CACNA1A: variants seen among roughly 807,000 people sequenced by gnomAD.
CACNA1A encodes calcium voltage-gated channel subunit alpha1 A, also known as voltage-dependent P/Q-type calcium channel subunit alpha-1A.
A neutral mutation model predicts 262.4 loss-of-function variants in CACNA1A; 57 were observed. The observed-to-expected ratio is 0.22, with a 90% CI of 0.18 to 0.27. CACNA1A has a LOEUF of 0.27. Ranked by LOEUF, CACNA1A falls within the 10% of genes least tolerant of loss-of-function variation. The pLI is 1.00. For missense variants in CACNA1A, 2,526 were observed against 3,562.8 expected (o/e 0.71, Z 7.41); for synonymous variants, 1,431 against 1,419.3 (o/e 1.01, Z -0.18).
chr19:13,477,822 G>A (rs1398342238), intron 1 of CACNA1A, among the ~76,000 whole-genome samples: 3 of 152,154 alleles, frequency 2.0e-5, no homozygotes, highest in Non-Finnish European at 2.9e-5. Flanking sequence ...TATAGAAGCC[G>A]CCTTTCCATT....
intron 24 of CACNA1A, chr19:13,274,899 A>G (rs1404879945): frequency 6.6e-6 from 1 of 151,940 alleles, no homozygotes; most frequent in Non-Finnish European, 1.5e-5. Flanking sequence ...GGGACCATGT[A>G]AGAATGGCCA....
rs536513719 is a variant in CACNA1A, at chr19:13,499,945, T to C, written c.293+5987A>G. Among the ~76,000 whole-genome samples, 6 of 151,946 alleles carry C rather than the reference T, an allele frequency of 3.9e-5. No homozygotes were observed. In the East Asian group the frequency reaches 5.8e-4, roughly 15 times the overall value. The stretch of plus-strand genomic sequence containing the variant: ...TGCTGAGAAAGTGTATATGTGTGCT[T>C]GCTACTGGGGGGGAAACAGGGAGGG... On this transcript the variant is annotated intron_variant, in intron 1 of 46. Coordinates refer to ENST00000360228, the MANE Select transcript of CACNA1A (RefSeq NM_001127222.2).
intron 6 of CACNA1A, among the ~76,000 whole-genome samples, chr19:13,355,017 G>C (rs560826715): frequency 2.2e-4 from 33 of 152,132 alleles, no homozygotes; most frequent in African/African-American, 7.5e-4. Flanking sequence ...TGGGATTACA[G>C]GCACCCGCCC....
rs971032446 is a variant in CACNA1A, at chr19:13,371,545, C to T, written c.631+143G>A. The T allele has an allele frequency of 7.9e-6, 5 of 632,764 alleles. No individual in the cohort carries two copies. In the South Asian group the frequency reaches 1.0e-4, roughly 13 times the overall value. 39.2% of individuals were successfully genotyped at this position (632,764 alleles called of 1,614,324 possible). On this transcript the variant is annotated intron_variant, in intron 4 of 46. Coordinates refer to ENST00000360228, the MANE Select transcript of CACNA1A (RefSeq NM_001127222.2). ...GCTACAGTCATATTCCTAGGGGGTT[C>T]CCTATAGGGAGTCCCAAAGAAGAGA...
chr19:13,307,992 TGCCCATTTGG>T, intron 14 of CACNA1A, 118 bp downstream of exon 14: 2 of 1,398,064 alleles, frequency 1.4e-6, no homozygotes, highest in Non-Finnish European at 2.0e-6. Flanking sequence ...CCCAGGGCCC[TGCCCATTTGG>T]GTGACCGCAA....
chr19:13,371,891 C>A, intron 3 of CACNA1A, 112 bp from the exon 4 acceptor site: 2 of 766,534 alleles, frequency 2.6e-6, no homozygotes, highest in Non-Finnish European at 2.3e-6. Flanking sequence ...TGACCACAGG[C>A]AGGTGACTCG....
At chr19:13,296,762 T>C (rs1600266720) in intron 19 of CACNA1A, among the ~76,000 whole-genome samples, 1 of 152,004 alleles carries the variant, frequency 6.6e-6, no homozygotes, top group South Asian at 2.1e-4. Flanking sequence ...TTTCTTTATT[T>C]TTTATTTTAT....
chr19:13,272,185 C>A (rs1395721262), intron 24 of CACNA1A: 2 of 152,322 alleles, frequency 1.3e-5, no homozygotes, highest in Non-Finnish European at 2.9e-5. Flanking sequence ...CTGTGCCACA[C>A]TCAGTGGTGG....
chr19:13,305,345 A>G (rs535882605), intron 15 of CACNA1A, among the ~76,000 whole-genome samples: 7 of 152,310 alleles, frequency 4.6e-5, no homozygotes, highest in Middle Eastern at 3.4e-3. Context: ...GACCAAGGCA[A>G]AGGATTAGGT....
intron 24 of CACNA1A, chr19:13,273,225 CA>C (rs1396054472): frequency 3.9e-5 from 6 of 152,190 alleles, no homozygotes; most frequent in African/African-American, 1.4e-4. Flanking sequence ...CTTGGCCTCC[CA>C]AAATGCTAGG....
intron 3 of CACNA1A, among the ~76,000 whole-genome samples, chr19:13,411,173 A>G (rs949681977): frequency 9.2e-5 from 14 of 152,140 alleles, no homozygotes; most frequent in Non-Finnish European, 1.8e-4. Flanking sequence ...GGCCAACACA[A>G]TATCTCTATC....
intron 1 of CACNA1A, among the ~76,000 whole-genome samples, chr19:13,483,734 A>C (rs1979646870): frequency 6.6e-6 from 1 of 152,092 alleles, no homozygotes; most frequent in Admixed American, 6.6e-5. Context: ...TGATCCCTAG[A>C]TCCAAACAAG....
intron 3 of CACNA1A, among the ~76,000 whole-genome samples, chr19:13,436,783 G>C (rs2060620356): frequency 6.6e-6 from 1 of 152,246 alleles, no homozygotes; most frequent in Non-Finnish European, 1.5e-5. Context: ...TGGTATCATA[G>C]TGGGCATGCA....
intron 6 of CACNA1A, among the ~76,000 whole-genome samples, chr19:13,338,063 CA>C (rs1282780461): frequency 1.3e-5 from 2 of 151,766 alleles, no homozygotes; most frequent in East Asian, 1.9e-4. Flanking sequence ...ACTAAAAATA[CA>C]AAAAAAATTA....
At chr19:13,246,512 T>A (rs2056238948) in intron 30 of CACNA1A, among the ~76,000 whole-genome samples, 1 of 152,142 alleles carries the variant, frequency 6.6e-6, no homozygotes, top group Non-Finnish European at 1.5e-5. Context: ...TCCCATCAAT[T>A]TAAGTCACTG....
At position 13,209,488 on chromosome 19, in the gene CACNA1A, T is replaced by C; in HGVS notation, c.6350A>G (p.Asp2117Gly). The change falls in exon 45 of 47, where the codon GAC becomes GGC. Residue 2117 changes from aspartate to glycine, a missense_variant. Physicochemically the swap from Asp to Gly is moderately conservative, Grantham distance 94. Transcript: ENST00000360228. ...GGCTGAACGCTTCATGGGGCTGGTG[T>C]CTGAGATGGTCTGGGGGAGGGGACA... ...PRGNNLSTIS[D>G]TSPMKRSASV... The C allele has an allele frequency of 7.6e-7, 1 of 1,319,238 alleles. No individual in the cohort carries two copies. The highest frequency in any genetic ancestry group is 9.7e-7 in the Non-Finnish European group (1 of 1,027,590). The allele number at this position is 1,319,238 out of a possible 1,614,324, so 81.7% of individuals were successfully genotyped here. A position where few individuals can be genotyped will look rare whatever the true frequency, so the allele number is the denominator to read the frequency against.
rs540418372 is a variant in CACNA1A, at chr19:13,464,543, A to ATTTTTTTTTTTTTTTTTTTTT, written c.294-9352_294-9332dup. On this transcript the variant is annotated intron_variant, in intron 1 of 46. Transcript: ENST00000360228. Reference sequence around the variant, plus strand: ...CTGCTAATAGTAAATAACTTTTCCAATTTTTTTTTTTTTTTTTTTTTTAGA... The same window carrying ATTTTTTTTTTTTTTTTTTTTT: ...CTGCTAATAGTAAATAACTTTTCCAATTTTTTTTTTTTTTTTTTTTTTTTTTTTTTTTTTTTTTTTTTTAGA... Among the ~76,000 whole-genome samples the ATTTTTTTTTTTTTTTTTTTTT allele has an allele frequency of 7.9e-4, 102 of 128,942 alleles. 4 individuals are homozygous for ATTTTTTTTTTTTTTTTTTTTT. The highest frequency in any genetic ancestry group is 3.0e-3 in the African/African-American group (95 of 32,066). The allele number at this position is 128,942 out of a possible 152,430, so 84.6% of individuals were successfully genotyped here. A position where few individuals can be genotyped will look rare whatever the true frequency, so the allele number is the denominator to read the frequency against.
chr19:13,385,752 T>C (rs1322317095), intron 3 of CACNA1A, among the ~76,000 whole-genome samples: 2 of 152,196 alleles, frequency 1.3e-5, no homozygotes, highest in African/African-American at 2.4e-5. Flanking sequence ...GTGCCTGGCA[T>C]ACAGTAGGCA....
chr19:13,282,428 C>T (rs1385666013), intron 22 of CACNA1A, among the ~76,000 whole-genome samples: 1 of 152,138 alleles, frequency 6.6e-6, no homozygotes, highest in East Asian at 1.9e-4. Flanking sequence ...CTGAGGCACG[C>T]CCTTGCCTGT....
Sources: allele counts gnomAD v4.1 joint callset (sites outside exome capture counted in the v4.1 genomes callset), GRCh38; gene constraint gnomAD v4.1.1; transcripts MANE v1.5; gene names NCBI Gene and HGNC (gene_info 2026-07-23, HGNC 2026-07-21).